MED27: variants seen among roughly 807,000 people sequenced by gnomAD.
MED27 encodes mediator of RNA polymerase II transcription subunit 27.
MED27 carries 30 observed loss-of-function variants against 38.2 expected under a neutral mutation model. The ratio of observed to expected loss-of-function variants is 0.79; its 90% CI spans 0.59 to 1.07. The LOEUF is 1.07. Among genes scored for constraint, MED27 ranks in the 50% least tolerant of loss-of-function variants. MED27 has a pLI of 0.00. For missense variants in MED27, 289 were observed against 397.5 expected, an observed-to-expected ratio of 0.73 and a Z score of 2.32; for synonymous variants, 122 against 153.5, an observed-to-expected ratio of 0.79 and a Z score of 1.52.
intron 2 of MED27, among the ~76,000 whole-genome samples, chr9:132,059,397 A>G (rs988880233): frequency 2.0e-5 from 3 of 152,246 alleles, no homozygotes; most frequent in Non-Finnish European, 4.4e-5. Context: ...GGTTGACACA[A>G]GATAAATTAA....
chr9:131,955,236 T>C (rs1373347061), intron 3 of MED27, among the ~76,000 whole-genome samples: 4 of 152,078 alleles, frequency 2.6e-5, no homozygotes, highest in African/African-American at 9.7e-5. Flanking sequence ...GGCTGAATGA[T>C]AAAAATATAT....
At chr9:132,002,918 C>CAAAAAAAAAAAAAAAAAAAAA (rs780189860) in intron 3 of MED27, among the ~76,000 whole-genome samples, 1 of 100,898 alleles carries the variant, frequency 9.9e-6, no homozygotes, top group Non-Finnish European at 2.1e-5. Flanking sequence ...GACTCTGTCT[C>CAAAAAAAAAAAAAAAAAAAAA]AAAAAAAAAA....
At chr9:132,000,768 T>A (rs1363228622) in intron 3 of MED27, among the ~76,000 whole-genome samples, 1 of 151,470 alleles carries the variant, frequency 6.6e-6, no homozygotes, top group African/African-American at 2.4e-5. Context: ...TTTTTTTTTT[T>A]AGAGATGGGG....
chr9:131,865,888 A>G (rs1231831228), intron 6 of MED27, among the ~76,000 whole-genome samples: 1 of 152,176 alleles, frequency 6.6e-6, no homozygotes, highest in Admixed American at 6.5e-5. Context: ...ACCATCTCAT[A>G]GGCTACTGTG....
chr9:131,930,447 AG>A (rs1467153298), intron 4 of MED27, among the ~76,000 whole-genome samples: 3 of 152,230 alleles, frequency 2.0e-5, no homozygotes, highest in Non-Finnish European at 4.4e-5. Flanking sequence ...ACAGGCCAGG[AG>A]AGAGTGGCAT....
chr9:131,896,712 A>T (rs12337500), intron 4 of MED27, among the ~76,000 whole-genome samples: 22,075 of 151,976 alleles, frequency 0.15, 1,672 homozygotes, highest in Non-Finnish European at 0.16. Context: ...GTTATAATGA[A>T]ACTATATATA....
chr9:131,932,741 G>A (rs1324946525), intron 4 of MED27, among the ~76,000 whole-genome samples: 1 of 152,102 alleles, frequency 6.6e-6, no homozygotes, highest in East Asian at 1.9e-4. Flanking sequence ...AACAGAGGAG[G>A]AAGGAATACC....
intron 2 of MED27, among the ~76,000 whole-genome samples, chr9:132,035,774 G>T (rs992818269): frequency 2.0e-5 from 3 of 152,140 alleles, no homozygotes; most frequent in African/African-American, 7.2e-5. Flanking sequence ...ACCAGCCTAG[G>T]CAACATAGCA....
chr9:131,929,306 C>T (rs890633195), intron 4 of MED27, among the ~76,000 whole-genome samples: 11 of 152,172 alleles, frequency 7.2e-5, no homozygotes, highest in Admixed American at 6.5e-4. Flanking sequence ...CGTGGTGGTT[C>T]TGGGGAGAGA....
At chr9:131,938,366 C>T (rs1830720307) in intron 4 of MED27, among the ~76,000 whole-genome samples, 1 of 152,230 alleles carries the variant, frequency 6.6e-6, no homozygotes, top group Admixed American at 6.5e-5. Flanking sequence ...TCAATAAACT[C>T]TGCTTTTTAT....
intron 5 of MED27, among the ~76,000 whole-genome samples, chr9:131,885,491 C>A (rs914453024): frequency 6.6e-6 from 1 of 152,106 alleles, no homozygotes. Context: ...GGGTAACTGA[C>A]GCCCGGCTGG....
intron 5 of MED27, among the ~76,000 whole-genome samples, chr9:131,893,538 A>G (rs1178341016): frequency 6.6e-6 from 1 of 152,180 alleles, no homozygotes; most frequent in African/African-American, 2.4e-5. Flanking sequence ...GGTTCTAGGA[A>G]AAGCAAAATG....
At chr9:131,983,116 G>A (rs1453795151) in intron 3 of MED27, among the ~76,000 whole-genome samples, 1 of 152,102 alleles carries the variant, frequency 6.6e-6, no homozygotes, top group Admixed American at 6.5e-5. Context: ...TTTGTCCCAG[G>A]CATAATACTA....
Position 132,077,449 on chromosome 9 carries a change from G to A in MED27, c.341C>T (p.Ser114Leu), listed in dbSNP as rs1333683957. ...TTATTACATCTCCCTTACCTTGTTTGACCACTTATATGCTTGAAGGAGTTG... is the reference window on the plus strand; with the variant it reads ...TTATTACATCTCCCTTACCTTGTTTAACCACTTATATGCTTGAAGGAGTTG... ...YSQLLQAYKW[S>L]NKLQYHAGLA... The change falls in exon 2 of 8, where the codon TCA (serine) becomes TTA (leucine). Residue 114 changes from serine (S) to leucine (L), a missense_variant. Transcript: ENST00000292035. 9.3e-6 allele frequency: 15 copies of A among 1,613,628 alleles called. No individual in the cohort carries two copies. Among genetic ancestry groups the A allele is most frequent in the Non-Finnish European group, 1.3e-5 (15 of 1,179,872 alleles).
At chr9:131,979,831 ATGGCTGGC>A (rs71374157) in intron 3 of MED27, among the ~76,000 whole-genome samples, 14 of 150,514 alleles carry the variant, frequency 9.3e-5, no homozygotes, top group Non-Finnish European at 1.5e-4. Flanking sequence ...TGAAAACAAG[ATGGCTGGC>A]TGGCTGGCTG....
intron 6 of MED27, among the ~76,000 whole-genome samples, chr9:131,871,522 C>T (rs1445348973): frequency 1.3e-5 from 2 of 152,196 alleles, no homozygotes; most frequent in Non-Finnish European, 2.9e-5. Flanking sequence ...CAGCCTGGTA[C>T]AGGAACAACG....
intron 2 of MED27, among the ~76,000 whole-genome samples, chr9:132,043,900 T>C (rs894988194): frequency 1.3e-5 from 2 of 152,198 alleles, no homozygotes; most frequent in African/African-American, 4.8e-5. Flanking sequence ...GCAAAGACTG[T>C]CTTCTCATCT....
intron 2 of MED27, among the ~76,000 whole-genome samples, chr9:132,075,920 G>A (rs1834036839): frequency 6.6e-6 from 1 of 152,132 alleles, no homozygotes; most frequent in Non-Finnish European, 1.5e-5. Context: ...CCAACTCCAA[G>A]GAACCCCATT....
intron 2 of MED27, among the ~76,000 whole-genome samples, chr9:132,033,514 C>A (rs1217532756): frequency 6.6e-6 from 1 of 152,140 alleles, no homozygotes; most frequent in East Asian, 1.9e-4. Context: ...CCCTTTCACT[C>A]CCCTAAAAAG....
Sources: allele counts gnomAD v4.1 joint callset (sites outside exome capture counted in the v4.1 genomes callset), GRCh38; gene constraint gnomAD v4.1.1; transcripts MANE v1.5; gene names NCBI Gene and HGNC (gene_info 2026-07-23, HGNC 2026-07-21).